FAM228B: variants seen among roughly 807,000 people sequenced by gnomAD.
The protein encoded by FAM228B is protein FAM228B.
A neutral mutation model predicts 42.6 loss-of-function variants in FAM228B; 38 were observed. The observed-to-expected ratio is 0.89, with a 90% CI of 0.69 to 1.17. FAM228B has a LOEUF of 1.17. Ranked by LOEUF, FAM228B falls within the 50% of genes most tolerant of loss-of-function variation. FAM228B has a pLI of 0.00. For missense variants in FAM228B, 344 were observed against 367.3 expected, an observed-to-expected ratio of 0.94 and a Z score of 0.52; for synonymous variants, 109 against 122.3, an observed-to-expected ratio of 0.89 and a Z score of 0.72.
chr2:24,135,101 T>C lies in FAM228B; in HGVS notation c.100-18T>C. 7.0e-7 allele frequency: 1 copy of C among 1,437,034 alleles called. No homozygotes were observed. The highest frequency in any genetic ancestry group is 2.2e-5 in the Admixed American group (1 of 45,160). The allele number at this position is 1,437,034 out of a possible 1,614,324, so 89.0% of individuals were successfully genotyped here. A position where few individuals can be genotyped will look rare whatever the true frequency, so the allele number is the denominator to read the frequency against. On this transcript the variant is annotated intron_variant, in intron 2 of 10. Coordinates refer to ENST00000615575, the MANE Select transcript of FAM228B (RefSeq NM_001145710.2). ...TTTTTAAAGATTTTCTTTTCAAAGTTTAATTCTGTCCTTTCAGGTTTTAGC... is the reference window on the plus strand; with the variant it reads ...TTTTTAAAGATTTTCTTTTCAAAGTCTAATTCTGTCCTTTCAGGTTTTAGC...
At chr2:24,165,649 G>A (rs1667386209) in intron 9 of FAM228B, 3 of 339,694 alleles carry the variant, frequency 8.8e-6, no homozygotes, top group Non-Finnish European at 1.8e-5. Context: ...CCATGGAAGA[G>A]CACAATTTTA....
intron 2 of FAM228B, among the ~76,000 whole-genome samples, chr2:24,094,911 G>A (rs201130840): frequency 6.6e-6 from 1 of 152,070 alleles, no homozygotes; most frequent in African/African-American, 2.4e-5. Flanking sequence ...TGGCCAACAT[G>A]GTGAAACCCC....
At chr2:24,146,529 T>G (rs949968025) in intron 5 of FAM228B, among the ~76,000 whole-genome samples, 1 of 152,216 alleles carries the variant, frequency 6.6e-6, no homozygotes, top group African/African-American at 2.4e-5. Context: ...AGAGCTAACT[T>G]TGTCTCTTTG....
chr2:24,159,550 C>G (rs1667240505), intron 7 of FAM228B, among the ~76,000 whole-genome samples: 1 of 152,074 alleles, frequency 6.6e-6, no homozygotes, highest in South Asian at 2.1e-4. Context: ...AATAAATGAC[C>G]TCTAGTTTGG....
chr2:24,163,942 G>A (rs1667338476), intron 8 of FAM228B, among the ~76,000 whole-genome samples: 1 of 152,180 alleles, frequency 6.6e-6, no homozygotes, highest in Non-Finnish European at 1.5e-5. Flanking sequence ...ACAACTCTAT[G>A]AGGGATCATT....
chr2:24,148,561 AC>A (rs1275678047), intron 7 of FAM228B, among the ~76,000 whole-genome samples: 6 of 150,394 alleles, frequency 4.0e-5, no homozygotes, highest in Admixed American at 3.3e-4. Flanking sequence ...GAGTCTTGAT[AC>A]CTTTTTTTTT....
At chr2:24,142,356 CT>C (rs1480918830) in intron 5 of FAM228B, 1 of 152,206 alleles carries the variant, frequency 6.6e-6, no homozygotes, top group Non-Finnish European at 1.5e-5. Flanking sequence ...TGGGACAGAT[CT>C]GACTTTAGGA....
In FAM228B at chr2:24,084,271, T is replaced by A. The variant is rs766080022; in HGVS notation, c.-210+3316T>A. The A allele has an allele frequency of 1.9e-6, 3 of 1,613,976 alleles. No homozygotes were observed. The highest frequency in any genetic ancestry group is 2.2e-5 in the South Asian group (2 of 91,074). ...CTCCCCCGGGCTCGGCTTGGCCACC[T>A]CCTTCACGTAGAGGTTTTCCGGTCC... On this transcript the variant is annotated intron_variant, in intron 2 of 10. Transcript: ENST00000613899. This position sits in a 1 kb window ranked among gnomAD's most constrained non-coding sequence, Gnocchi z 8.4.
intron 2 of FAM228B, among the ~76,000 whole-genome samples, chr2:24,128,921 AT>A (rs34420034): frequency 0.13 from 19,665 of 146,882 alleles, 1,410 homozygotes; most frequent in South Asian, 0.19. Context: ...AACTATGGGA[AT>A]TTTTTTTTTT....
rs376382746 is a variant in FAM228B at position 24,158,144 on chromosome 2, T to C, written c.687-3362T>C. The stretch of plus-strand genomic sequence containing the variant: ...CCAACAATACCAGGTCTTCCACAAC[T>C]ACCTGAATCAACCGTATTCTTCACA... On this transcript the variant is annotated intron_variant, in intron 7 of 10. Coordinates refer to ENST00000615575, the MANE Select transcript of FAM228B (RefSeq NM_001145710.2). Among the ~76,000 whole-genome samples the C allele has an allele frequency of 6.1e-5, 9 of 148,704 alleles. No individual in the cohort carries two copies. The South Asian group carries it at 1.3e-3, about 21-fold the overall frequency.
intron 2 of FAM228B, among the ~76,000 whole-genome samples, chr2:24,094,410 C>T (rs955015405): frequency 3.3e-5 from 5 of 152,052 alleles, no homozygotes; most frequent in African/African-American, 4.8e-5. Context: ...AAATTATTCA[C>T]CTGAAATATA....
intron 7 of FAM228B, among the ~76,000 whole-genome samples, chr2:24,158,196 C>CTTTTTTTT (rs1322122366): frequency 3.6e-4 from 19 of 53,204 alleles, no homozygotes; most frequent in South Asian, 1.6e-3. Context: ...TCTGAACCTC[C>CTTTTTTTT]TTTTTTTTTT....
intron 1 of FAM228B, 70 bp downstream of exon 1, chr2:24,123,603 G>T (rs1666203562): frequency 6.6e-6 from 1 of 152,032 alleles, no homozygotes; most frequent in Non-Finnish European, 1.5e-5. Flanking sequence ...GGACGGCTCC[G>T]GGGTCGTCGG....
chr2:24,134,205 A>G (rs1296701941), intron 2 of FAM228B, among the ~76,000 whole-genome samples: 2 of 152,218 alleles, frequency 1.3e-5, no homozygotes, highest in African/African-American at 4.8e-5. Context: ...GATTTATTAT[A>G]TCCATAGGCT....
At chr2:24,092,967 C>CACACACACACACA (rs1553326190) in intron 2 of FAM228B, among the ~76,000 whole-genome samples, 1 of 147,742 alleles carries the variant, frequency 6.8e-6, no homozygotes, top group Non-Finnish European at 1.5e-5. Context: ...CACACACACA[C>CACACACACACACA]CATGTACAGA....
chr2:24,138,688 G>A (rs1037478805), intron 4 of FAM228B, among the ~76,000 whole-genome samples: 2 of 149,824 alleles, frequency 1.3e-5, no homozygotes, highest in African/African-American at 2.4e-5. Context: ...TGGGTGTGTG[G>A]CTCACACCTG....
chr2:24,113,348 C>T (rs936207665), intron 3 of FAM228B, among the ~76,000 whole-genome samples: 2 of 152,022 alleles, frequency 1.3e-5, no homozygotes, highest in Non-Finnish European at 2.9e-5. Context: ...CGAGGCAGAA[C>T]GATTGCTTGA....
intron 7 of FAM228B, among the ~76,000 whole-genome samples, chr2:24,153,424 T>G (rs1667066145): frequency 6.6e-6 from 1 of 152,112 alleles, no homozygotes; most frequent in Non-Finnish European, 1.5e-5. Flanking sequence ...CCTGCCAGGG[T>G]TGGGTCCTTC....
At chr2:24,078,804 A>G (rs1401920695) in intron 1 of FAM228B, 1 of 152,448 alleles carries the variant, frequency 6.6e-6, no homozygotes, top group African/African-American at 2.4e-5. Context: ...CAGCTGGTGC[A>G]AAACCCTATG....
Sources: allele counts gnomAD v4.1 joint callset (sites outside exome capture counted in the v4.1 genomes callset), GRCh38; gene constraint gnomAD v4.1.1; non-coding constraint Gnocchi (gnomAD v3.1); transcripts MANE v1.5; gene names NCBI Gene and HGNC (gene_info 2026-07-23, HGNC 2026-07-21).